The following GLCE variants were observed in gnomAD, a reference collection of about 807,000 sequenced individuals.
GLCE encodes D-glucuronyl C5-epimerase.
GLCE carries 19 observed loss-of-function variants against 47.9 expected under a neutral mutation model. The observed-to-expected ratio is 0.40, with a 90% CI of 0.28 to 0.58. GLCE has a LOEUF of 0.58. Ranked by LOEUF, GLCE falls within the 20% of genes least tolerant of loss-of-function variation. The probability of loss-of-function intolerance (pLI) is 0.48; values close to 1 mark genes in which losing one functional copy is unlikely to be tolerated. For missense variants in GLCE, 556 were observed against 743.3 expected (o/e 0.75, Z 2.93); for synonymous variants, 245 against 263.4 (o/e 0.93, Z 0.68).
At chr15:69,182,964 A>C in intron 1 of GLCE, among the ~76,000 whole-genome samples, 1 of 152,016 alleles carries the variant, frequency 6.6e-6, no homozygotes, top group Non-Finnish European at 1.5e-5. Flanking sequence ...GCACCACTGC[A>C]CTCCAGCCTG....
chr15:69,266,147 A>G (rs140588013), intron 4 of GLCE, among the ~76,000 whole-genome samples: 1 of 152,340 alleles, frequency 6.6e-6, no homozygotes, highest in East Asian at 1.9e-4. Flanking sequence ...GCATAAGTCT[A>G]TGAGGATGTT....
intron 2 of GLCE, among the ~76,000 whole-genome samples, chr15:69,231,285 C>CA (rs1468301912): frequency 7.0e-6 from 1 of 142,938 alleles, no homozygotes; most frequent in Non-Finnish European, 1.5e-5. Flanking sequence ...TTTGTCCAGT[C>CA]ATTTTTTTTT....
chr15:69,244,821 G>C (rs551120485), intron 2 of GLCE, among the ~76,000 whole-genome samples: 1 of 152,038 alleles, frequency 6.6e-6, no homozygotes, highest in Admixed American at 6.5e-5. Context: ...TCTTTTTGTG[G>C]GTCCTTATGC....
rs1389305151 is a variant in GLCE, at chr15:69,160,966, G to C, written c.-105+209G>C. ...CGCGGGCGCCCAAGGGCGGTGTAGC[G>C]GGTGCCGGAGCTCCCGAGGTGAGGG... On this transcript the variant is annotated intron_variant, in intron 1 of 4. Coordinates refer to ENST00000261858, the MANE Select transcript of GLCE (RefSeq NM_015554.3). This position sits in a 1 kb window ranked among gnomAD's most constrained non-coding sequence, Gnocchi z 4.2. 6.6e-6 allele frequency among the ~76,000 whole-genome samples: 1 copy of C among 152,018 alleles called. No individual in the cohort carries two copies. The highest frequency in any genetic ancestry group is 2.4e-5 in the African/African-American group (1 of 41,404).
intron 4 of GLCE, among the ~76,000 whole-genome samples, chr15:69,265,691 T>G (rs2053075370): frequency 6.6e-6 from 1 of 152,222 alleles, no homozygotes; most frequent in Admixed American, 6.5e-5. Flanking sequence ...CCATGTCATT[T>G]CATTAAATTT....
At chr15:69,224,758 A>G (rs890403146) in intron 2 of GLCE, among the ~76,000 whole-genome samples, 1 of 152,244 alleles carries the variant, frequency 6.6e-6, no homozygotes, top group African/African-American at 2.4e-5. Context: ...TAAGAGCTGA[A>G]AATGACCCAA....
chr15:69,244,306 T>G (rs1046780606), intron 2 of GLCE, among the ~76,000 whole-genome samples: 11 of 152,224 alleles, frequency 7.2e-5, no homozygotes, highest in Admixed American at 4.6e-4. Context: ...ATATGGCATT[T>G]AATTATACTG....
intron 2 of GLCE, among the ~76,000 whole-genome samples, chr15:69,225,074 C>T (rs2077193605): frequency 6.6e-6 from 1 of 152,066 alleles, no homozygotes; most frequent in South Asian, 2.1e-4. Flanking sequence ...GGTTCTATGG[C>T]TTATGGTGCT....
At chr15:69,253,710 A>C (rs1001176290) in intron 2 of GLCE, among the ~76,000 whole-genome samples, 1 of 152,260 alleles carries the variant, frequency 6.6e-6, no homozygotes, top group Non-Finnish European at 1.5e-5. Context: ...CACACCAAGC[A>C]CTGAAATAGA....
intron 4 of GLCE, among the ~76,000 whole-genome samples, chr15:69,265,281 G>T (rs1204869649): frequency 3.9e-5 from 6 of 152,052 alleles, no homozygotes; most frequent in Admixed American, 3.9e-4. Flanking sequence ...CTTTCTATTA[G>T]ATTTGAAGGA....
At chr15:69,209,208 A>G (rs7183124) in intron 1 of GLCE, among the ~76,000 whole-genome samples, 5,659 of 152,010 alleles carry the variant, frequency 0.037, 350 homozygotes, top group African/African-American at 0.13. Flanking sequence ...TTCTGTAATA[A>G]TGGCTCTAAA....
intron 1 of GLCE, among the ~76,000 whole-genome samples, chr15:69,186,666 A>G (rs550057333): frequency 6.6e-6 from 1 of 152,338 alleles, no homozygotes; most frequent in East Asian, 1.9e-4. Flanking sequence ...TAGATGCTTA[A>G]TGAATAGTTA....
intron 1 of GLCE, among the ~76,000 whole-genome samples, chr15:69,164,444 ATACT>A (rs1347727404): frequency 6.6e-6 from 1 of 151,366 alleles, no homozygotes; most frequent in African/African-American, 2.4e-5. Flanking sequence ...TATATGAATT[ATACT>A]TACATACATT....
At chr15:69,252,991 A>T (rs564169618) in intron 2 of GLCE, among the ~76,000 whole-genome samples, 124 of 152,260 alleles carry the variant, frequency 8.1e-4, no homozygotes, top group African/African-American at 2.8e-3. Context: ...TTCCCTTCTG[A>T]TGCCCCAGCA....
At chr15:69,183,176 C>T (rs768009056) in intron 1 of GLCE, among the ~76,000 whole-genome samples, 2 of 152,038 alleles carry the variant, frequency 1.3e-5, no homozygotes, top group African/African-American at 4.8e-5. Flanking sequence ...AACTGACAAG[C>T]AAGAATTGGG....
Position 69,268,302 on chromosome 15 carries a change from A to T in GLCE, c.912A>T (p.Gly304=). The change falls in exon 5 of 5, where the codon GGA becomes GGT. Residue 304 remains glycine, a synonymous_variant. Coordinates refer to ENST00000261858, the MANE Select transcript of GLCE (RefSeq NM_015554.3). ...TTGACCTCAAGTTCTTGACAAATGGAAGTGTGTCCGTGGTTCTAGAGACCA... is the reference window on the plus strand; with the variant it reads ...TTGACCTCAAGTTCTTGACAAATGGTAGTGTGTCCGTGGTTCTAGAGACCA... ...ISFDLKFLTN[G]SVSVVLETTE... 1 of 1,612,312 alleles carries T rather than the reference A, an allele frequency of 6.2e-7. No individual in the cohort carries two copies. Among genetic ancestry groups the T allele is most frequent in the Non-Finnish European group, 8.5e-7 (1 of 1,178,566 alleles).
chr15:69,161,527 A>G (rs1365013871), intron 1 of GLCE, among the ~76,000 whole-genome samples: 1 of 149,688 alleles, frequency 6.7e-6, no homozygotes, highest in East Asian at 2.0e-4. Context: ...GCCCCCGGGC[A>G]GTCTCTCGGG....
At chr15:69,169,344 T>C (rs1007821587) in intron 1 of GLCE, among the ~76,000 whole-genome samples, 1 of 152,228 alleles carries the variant, frequency 6.6e-6, no homozygotes, top group African/African-American at 2.4e-5. Context: ...GGCAAAGCGC[T>C]TCATTTAAAT....
intron 2 of GLCE, among the ~76,000 whole-genome samples, chr15:69,231,474 G>A (rs1172972900): frequency 6.6e-6 from 1 of 151,886 alleles, no homozygotes; most frequent in East Asian, 1.9e-4. Context: ...TAGTAGAGAT[G>A]GGGTTTCACC....
Sources: allele counts gnomAD v4.1 joint callset (sites outside exome capture counted in the v4.1 genomes callset), GRCh38; gene constraint gnomAD v4.1.1; non-coding constraint Gnocchi (gnomAD v3.1); transcripts MANE v1.5; gene names NCBI Gene and HGNC (gene_info 2026-07-23, HGNC 2026-07-21).